The following KHDRBS2 variants were observed in gnomAD, a reference collection of about 807,000 sequenced individuals.
KHDRBS2 encodes the protein KH RNA binding domain containing, signal transduction associated 2.
A neutral mutation model predicts 44.3 loss-of-function variants in KHDRBS2; 26 were observed. The observed-to-expected ratio is 0.59, with a 90% CI of 0.43 to 0.81. The LOEUF is 0.81. Ranked by LOEUF, KHDRBS2 falls within the 40% of genes least tolerant of loss-of-function variation. The pLI is 0.00. For synonymous variants in KHDRBS2, 194 were observed against 151.1 expected, an observed-to-expected ratio of 1.28 and a Z score of -2.08; for missense variants, 476 against 433.1, an observed-to-expected ratio of 1.10 and a Z score of -0.88.
intron 1 of KHDRBS2, among the ~76,000 whole-genome samples, chr6:62,181,492 A>C (rs1352763111): frequency 6.6e-6 from 1 of 152,032 alleles, no homozygotes; most frequent in Non-Finnish European, 1.5e-5. Flanking sequence ...AGCAACAATG[A>C]ATTATTACTT....
At chr6:61,974,129 C>T (rs1158919889) in intron 4 of KHDRBS2, among the ~76,000 whole-genome samples, 1 of 151,992 alleles carries the variant, frequency 6.6e-6, no homozygotes, top group East Asian at 1.9e-4. Flanking sequence ...CTTATTAATT[C>T]AATTGAATTG....
intron 8 of KHDRBS2, among the ~76,000 whole-genome samples, chr6:61,685,237 A>G (rs1766695973): frequency 6.6e-6 from 1 of 151,856 alleles, no homozygotes; most frequent in South Asian, 2.1e-4. Context: ...TGTTTAACTT[A>G]TCTAAGAGAA....
chr6:61,941,075 C>A (rs534094713), intron 4 of KHDRBS2, among the ~76,000 whole-genome samples: 1 of 152,258 alleles, frequency 6.6e-6, no homozygotes, highest in East Asian at 1.9e-4. Context: ...CAATTGGGGG[C>A]CTGAGAACAA....
the KHDRBS2 span, among the ~76,000 whole-genome samples, chr6:61,557,674 C>G: frequency 3.3e-5 from 5 of 152,110 alleles, no homozygotes; most frequent in Non-Finnish European, 7.4e-5. Context: ...GTATTCTCTT[C>G]TCTATTTTTC....
At chr6:61,556,935 C>A in the KHDRBS2 span, among the ~76,000 whole-genome samples, 1 of 111,424 alleles carries the variant, frequency 9.0e-6, no homozygotes, top group Non-Finnish European at 1.7e-5. Flanking sequence ...GTGAAAAATT[C>A]AATGACTACC....
chr6:62,214,056 C>A (rs992700851), intron 1 of KHDRBS2, among the ~76,000 whole-genome samples: 3 of 151,960 alleles, frequency 2.0e-5, no homozygotes, highest in Non-Finnish European at 4.4e-5. Flanking sequence ...TTATCCATGG[C>A]AAATTGAACA....
At chr6:62,173,875 A>C (rs188268979) in intron 2 of KHDRBS2, among the ~76,000 whole-genome samples, 2 of 152,186 alleles carry the variant, frequency 1.3e-5, no homozygotes, top group East Asian at 3.9e-4. Context: ...CTTCATGTTA[A>C]AAACCCTGAA....
chr6:61,777,012 G>A (rs566476607), intron 6 of KHDRBS2, among the ~76,000 whole-genome samples: 12 of 152,006 alleles, frequency 7.9e-5, no homozygotes, highest in African/African-American at 1.9e-4. Flanking sequence ...ACTGGAAACC[G>A]TCATTCTCAG....
At chr6:61,682,691 C>G (rs1250158960) in intron 8 of KHDRBS2, among the ~76,000 whole-genome samples, 2 of 151,832 alleles carry the variant, frequency 1.3e-5, no homozygotes, top group Admixed American at 1.3e-4. Context: ...GATCTGTGCT[C>G]TAGACCATGT....
chr6:61,864,184 G>T (rs1474270808), intron 6 of KHDRBS2, among the ~76,000 whole-genome samples: 4 of 151,924 alleles, frequency 2.6e-5, no homozygotes, highest in Non-Finnish European at 5.9e-5. Flanking sequence ...ATATGAGATG[G>T]GTCTCTTGAA....
At chr6:62,106,322 C>T (rs1267183366) in intron 2 of KHDRBS2, among the ~76,000 whole-genome samples, 3 of 152,054 alleles carry the variant, frequency 2.0e-5, no homozygotes, top group Non-Finnish European at 4.4e-5. Context: ...GAGTTCAATT[C>T]CAGGGGATCC....
At chr6:62,218,821 T>C (rs1315492630) in intron 1 of KHDRBS2, among the ~76,000 whole-genome samples, 1 of 151,804 alleles carries the variant, frequency 6.6e-6, no homozygotes, top group Non-Finnish European at 1.5e-5. Context: ...ATATCCACAA[T>C]GAAATACTGT....
At chr6:61,587,451 T>C in the KHDRBS2 span, among the ~76,000 whole-genome samples, 3 of 152,074 alleles carry the variant, frequency 2.0e-5, no homozygotes, top group Non-Finnish European at 4.4e-5. Flanking sequence ...ACATCTGCAC[T>C]CGCCTTGTGT....
intron 6 of KHDRBS2, among the ~76,000 whole-genome samples, chr6:61,786,867 T>C (rs1447223030): frequency 6.6e-6 from 1 of 151,828 alleles, no homozygotes; most frequent in Non-Finnish European, 1.5e-5. Flanking sequence ...TAGAATTGTT[T>C]AGCACAGGGA....
chr6:61,876,174 A>T (rs1799384226), intron 6 of KHDRBS2, among the ~76,000 whole-genome samples: 1 of 152,004 alleles, frequency 6.6e-6, no homozygotes, highest in Non-Finnish European at 1.5e-5. Context: ...TCTATGCCTT[A>T]CTGATTGCTG....
chr6:62,000,947 C>T (rs1021387367), intron 3 of KHDRBS2, among the ~76,000 whole-genome samples: 13 of 152,166 alleles, frequency 8.5e-5, no homozygotes, highest in African/African-American at 2.6e-4. Flanking sequence ...AGTTGACATA[C>T]AAATAGTTCA....
chr6:62,240,047 C>T (rs1834345876), intron 1 of KHDRBS2, among the ~76,000 whole-genome samples: 1 of 152,080 alleles, frequency 6.6e-6, no homozygotes, highest in Admixed American at 6.6e-5. Flanking sequence ...TACAGAAAAG[C>T]TCTGAAGATG....
At chr6:61,658,597 A>AC in the KHDRBS2 span, among the ~76,000 whole-genome samples, 1 of 151,944 alleles carries the variant, frequency 6.6e-6, no homozygotes, top group Non-Finnish European at 1.5e-5. Context: ...TTAAAAACAC[A>AC]CATTTCCAGG....
At chr6:62,009,390 GA>G (rs1251791046) in intron 3 of KHDRBS2, among the ~76,000 whole-genome samples, 2 of 152,158 alleles carry the variant, frequency 1.3e-5, no homozygotes, top group East Asian at 3.8e-4. Flanking sequence ...TTTCAAAAGA[GA>G]AACAGAGCAT....
Sources: gnomAD v4.1 joint callset for allele counts (sites outside exome capture counted in the v4.1 genomes callset) on GRCh38, gnomAD v4.1.1 for gene constraint, MANE v1.5 for transcripts, NCBI Gene and HGNC (gene_info 2026-07-23, HGNC 2026-07-21) for gene names.